PAFAH1B1: variants seen among roughly 807,000 people sequenced by gnomAD.
PAFAH1B1 encodes platelet activating factor acetylhydrolase 1b regulatory subunit 1, also known as platelet-activating factor acetylhydrolase IB subunit beta.
A neutral mutation model predicts 57.5 loss-of-function variants in PAFAH1B1; 2 were observed. That is an observed-to-expected ratio of 0.03 (90% CI 0.01 to 0.11). The LOEUF (loss-of-function observed/expected upper bound fraction) is 0.11. Ranked by LOEUF, PAFAH1B1 falls within the 10% of genes least tolerant of loss-of-function variation. PAFAH1B1 has a pLI of 1.00. For missense variants in PAFAH1B1, 257 were observed against 512.0 expected (o/e 0.50, Z 4.81); for synonymous variants, 152 against 169.6 (o/e 0.90, Z 0.81).
At chr17:2,605,787 G>T (rs943816350) in intron 1 of PAFAH1B1, among the ~76,000 whole-genome samples, 4 of 152,006 alleles carry the variant, frequency 2.6e-5, no homozygotes, top group African/African-American at 4.8e-5. Context: ...TATCTGACGT[G>T]TCAAGTGAGT....
At chr17:2,646,717 G>T (rs573074156) in intron 2 of PAFAH1B1, among the ~76,000 whole-genome samples, 1 of 152,250 alleles carries the variant, frequency 6.6e-6, no homozygotes, top group East Asian at 1.9e-4. Flanking sequence ...GAAAATATGT[G>T]ATAACATTGG....
chr17:2,660,253 T>A (rs2068996900), intron 2 of PAFAH1B1, among the ~76,000 whole-genome samples: 1 of 152,106 alleles, frequency 6.6e-6, no homozygotes, highest in African/African-American at 2.4e-5. Context: ...TTTATTTTAC[T>A]TTAAGTTCCG....
chr17:2,619,736 C>G (rs1375827555), intron 1 of PAFAH1B1, among the ~76,000 whole-genome samples: 1 of 152,142 alleles, frequency 6.6e-6, no homozygotes, highest in Non-Finnish European at 1.5e-5. Flanking sequence ...ATTGAGGAAA[C>G]TCAGGCTTAA....
chr17:2,624,095 G>T (rs1017174780), intron 1 of PAFAH1B1, among the ~76,000 whole-genome samples: 1 of 152,202 alleles, frequency 6.6e-6, no homozygotes, highest in Non-Finnish European at 1.5e-5. Flanking sequence ...AATGCTGCCA[G>T]TCTCTTTGCT....
At chr17:2,653,983 T>C (rs2068902333) in intron 2 of PAFAH1B1, among the ~76,000 whole-genome samples, 1 of 151,152 alleles carries the variant, frequency 6.6e-6, no homozygotes, top group Non-Finnish European at 1.5e-5. Context: ...TAATTTTTTC[T>C]ATTTTTAGTA....
chr17:2,680,718 T>C, intron 10 of PAFAH1B1: 1 of 286,104 alleles, frequency 3.5e-6, no homozygotes, highest in Non-Finnish European at 6.8e-6. Flanking sequence ...TTGATTTGAG[T>C]AAACATCCTC....
At chr17:2,625,873 G>A (rs1360407655) in intron 1 of PAFAH1B1, among the ~76,000 whole-genome samples, 1 of 152,148 alleles carries the variant, frequency 6.6e-6, no homozygotes, top group Non-Finnish European at 1.5e-5. Context: ...AGGAGTTAGA[G>A]GCTGCAGTGA....
At chr17:2,628,407 C>T (rs1597533039) in intron 1 of PAFAH1B1, among the ~76,000 whole-genome samples, 1 of 152,112 alleles carries the variant, frequency 6.6e-6, no homozygotes, top group South Asian at 2.1e-4. Flanking sequence ...ATCCCTGCAT[C>T]CCTAATATGA....
chr17:2,674,108 A>G lies in PAFAH1B1; in HGVS notation c.720A>G (p.Val240=). ...FTGHREWVRM[V]RPNQDGTLIA... is the part of the protein sequence containing the mutation. The stretch of plus-strand genomic sequence containing the variant: ...GACACAGAGAATGGGTACGTATGGT[A>G]CGGCCAAATCAAGATGGCACTCTGA... Residue 240 remains valine, a synonymous_variant, in exon 8 of 11, where the codon GTA becomes GTG. Coordinates refer to ENST00000397195, the MANE Select transcript of PAFAH1B1 (RefSeq NM_000430.4). The G allele has an allele frequency of 6.2e-7, 1 of 1,614,058 alleles. No homozygotes were observed. Among genetic ancestry groups the G allele is most frequent in the South Asian group, 1.1e-5 (1 of 91,084 alleles).
In PAFAH1B1 at chr17:2,684,944, A is replaced by G. The variant is rs2069452459; in HGVS notation, c.*3142A>G. 6.6e-6 allele frequency: 1 copy of G among 152,182 alleles called. No homozygotes were observed. The highest frequency in any genetic ancestry group is 2.4e-5 in the African/African-American group (1 of 41,430). The allele number at this position is 152,182 out of a possible 1,614,324, so 9.4% of individuals were successfully genotyped here. A position where few individuals can be genotyped will look rare whatever the true frequency, so the allele number is the denominator to read the frequency against. ...AGGTTTTCTTTAAACTTAATTAAAG[A>G]AAAACTATTTAAAGGTAAAGGATAT... On this transcript the variant is annotated 3_prime_UTR_variant, in exon 11 of 11. Transcript: ENST00000397195.
intron 2 of PAFAH1B1, among the ~76,000 whole-genome samples, chr17:2,663,715 T>TG (rs397949199): frequency 1.5e-4 from 22 of 149,236 alleles, no homozygotes; most frequent in Non-Finnish European, 3.1e-4. Flanking sequence ...TTTTTTTTTT[T>TG]GAGACAGAGT....
At chr17:2,626,386 A>G (rs1205792392) in intron 1 of PAFAH1B1, among the ~76,000 whole-genome samples, 3 of 152,206 alleles carry the variant, frequency 2.0e-5, no homozygotes, top group African/African-American at 7.2e-5. Context: ...GTGCTTTCTG[A>G]TAGCAAAAAT....
chr17:2,650,446 A>G (rs2068832678), intron 2 of PAFAH1B1, among the ~76,000 whole-genome samples: 1 of 150,664 alleles, frequency 6.6e-6, no homozygotes, highest in South Asian at 2.1e-4. Context: ...CGGGAGCTGG[A>G]GGTTGCAGTG....
intron 1 of PAFAH1B1, among the ~76,000 whole-genome samples, chr17:2,601,069 T>A (rs1396544296): frequency 1.3e-5 from 2 of 152,142 alleles, no homozygotes; most frequent in African/African-American, 4.8e-5. Flanking sequence ...GGCTATACAT[T>A]TAGCATTGTC....
At position 2,628,802 on chromosome 17, in the gene PAFAH1B1, C is replaced by T. The variant is rs552283001; in HGVS notation, c.-190-9297C>T. ...GTCTGTTCAGCGTATCTAATTCTTC[C>T]TGATTTATGTGAGGAGGGTTGTGTT... is the stretch of plus-strand genomic sequence containing the variant. On this transcript the variant is annotated intron_variant, in intron 1 of 10. Coordinates refer to ENST00000397195, the MANE Select transcript of PAFAH1B1 (RefSeq NM_000430.4). Among the ~76,000 whole-genome samples the T allele has an allele frequency of 2.6e-5, 4 of 152,166 alleles. No individual in the cohort carries two copies. In the East Asian group the frequency reaches 7.7e-4, roughly 29 times the overall value.
intron 1 of PAFAH1B1, among the ~76,000 whole-genome samples, chr17:2,625,824 G>A (rs886776211): frequency 6.6e-6 from 1 of 152,126 alleles, no homozygotes; most frequent in African/African-American, 2.4e-5. Flanking sequence ...TGTTGTCCCA[G>A]CTACTCAGGA....
intron 1 of PAFAH1B1, among the ~76,000 whole-genome samples, chr17:2,607,381 T>C (rs1297305436): frequency 6.6e-6 from 1 of 151,862 alleles, no homozygotes; most frequent in African/African-American, 2.4e-5. Flanking sequence ...TTCACCATGT[T>C]GGCCAGGGTG....
rs192599888 is a variant in PAFAH1B1 at position 2,612,963 on chromosome 17, A to G, written c.-191+18957A>G. 4.0e-5 allele frequency among the ~76,000 whole-genome samples: 6 copies of G among 151,676 alleles called. No homozygotes were observed. In the East Asian group the frequency reaches 1.2e-3, roughly 29 times the overall value. On this transcript the variant is annotated intron_variant, in intron 1 of 10. Transcript: ENST00000397195. ...AAAATGTTTGTTGTTTGTTTTTTCA[A>G]TTTTTAGTGGTCGAAAAATCAAAAT... is the stretch of plus-strand genomic sequence containing the variant.
rs879334508 is a variant in PAFAH1B1, at chr17:2,684,570, G to C, written c.*2768G>C. The C allele has an allele frequency of 1.2e-4, 18 of 152,636 alleles. 1 individual carries two copies. Among genetic ancestry groups the C allele is most frequent in the Admixed American group, 6.5e-4 (10 of 15,278 alleles). The allele number at this position is 152,636 out of a possible 1,614,324, so 9.5% of individuals were successfully genotyped here. A position where few individuals can be genotyped will look rare whatever the true frequency, so the allele number is the denominator to read the frequency against. On this transcript the variant is annotated 3_prime_UTR_variant, in exon 11 of 11. Transcript: ENST00000397195. ...TCCAGTGCCACCCAAATATATATCT[G>C]TAACGTGCCCAAGAAATCCTAGCTG...
Sources: allele counts gnomAD v4.1 joint callset (sites outside exome capture counted in the v4.1 genomes callset), GRCh38; gene constraint gnomAD v4.1.1; transcripts MANE v1.5; gene names NCBI Gene and HGNC (gene_info 2026-07-23, HGNC 2026-07-21).